TTC27: variants seen among roughly 807,000 people sequenced by gnomAD.
The protein encoded by TTC27 is tetratricopeptide repeat domain 27.
A neutral mutation model predicts 115.9 loss-of-function variants in TTC27; 79 were observed. That is an observed-to-expected ratio of 0.68 (90% CI 0.57 to 0.82). The LOEUF is 0.82. TTC27 is among the 40% of genes least tolerant of loss of function. The probability of loss-of-function intolerance (pLI) is 0.00; values close to 1 mark genes in which losing one functional copy is unlikely to be tolerated. For synonymous variants in TTC27, 401 were observed against 356.0 expected, an observed-to-expected ratio of 1.13 and a Z score of -1.42; for missense variants, 1,054 against 993.1, an observed-to-expected ratio of 1.06 and a Z score of -0.82.
chr2:32,679,084 T>A (rs1666329455), intron 9 of TTC27, among the ~76,000 whole-genome samples, 162 bp downstream of exon 9: 1 of 152,194 alleles, frequency 6.6e-6, no homozygotes, highest in African/African-American at 2.4e-5. Context: ...TGTATCTTGC[T>A]GCTGATTTAA....
At position 32,817,092 on chromosome 2, in the gene TTC27, A is replaced by G. The variant is rs1026170480; in HGVS notation, c.2309-365A>G. 4.1e-4 allele frequency among the ~76,000 whole-genome samples: 63 copies of G among 152,104 alleles called. 1 individual carries two copies. Among genetic ancestry groups the G allele is most frequent in the African/African-American group, 1.5e-3 (61 of 41,410 alleles). Reference sequence around the variant, plus strand: ...AAATTCCCTGGAGCAGTAAATTACCATTCTTAAAGAAGGATAGAGAAAGGC... The same window carrying G: ...AAATTCCCTGGAGCAGTAAATTACCGTTCTTAAAGAAGGATAGAGAAAGGC... On this transcript the variant is annotated intron_variant, in intron 18 of 19. Coordinates refer to ENST00000317907, the MANE Select transcript of TTC27 (RefSeq NM_017735.5).
Position 32,795,338 on chromosome 2 carries a change from G to GA in TTC27, c.1998+8198dup, listed in dbSNP as rs367887253. On this transcript the variant is annotated intron_variant, in intron 16 of 19. Transcript: ENST00000317907. ...ATATACTACATTAACAGAATGAGGG[G>GA]AAAAAAAAATCTCACCTGATTATCT... Among the ~76,000 whole-genome samples the GA allele has an allele frequency of 9.6e-3, 1,449 of 150,296 alleles. 13 individuals are homozygous for GA. Among genetic ancestry groups the GA allele is most frequent in the Middle Eastern group, 0.024 (7 of 292 alleles).
chr2:32,682,844 G>GGTTTTT (rs1553550061), intron 9 of TTC27, among the ~76,000 whole-genome samples: 2 of 56,982 alleles, frequency 3.5e-5, no homozygotes, highest in African/African-American at 7.5e-5. Context: ...AATTTTTATT[G>GGTTTTT]TTGTTTTTTT....
At chr2:32,707,650 A>G (rs897872662) in intron 10 of TTC27, among the ~76,000 whole-genome samples, 2 of 152,198 alleles carry the variant, frequency 1.3e-5, no homozygotes, top group South Asian at 4.1e-4. Flanking sequence ...AATTTCTAGA[A>G]CTAAAAATAT....
chr2:32,796,069 C>T (rs1309327790), intron 16 of TTC27, among the ~76,000 whole-genome samples: 1 of 151,796 alleles, frequency 6.6e-6, no homozygotes, highest in African/African-American at 2.4e-5. Context: ...CTAAAGAGTC[C>T]ACGAAAAAGC....
At chr2:32,677,303 A>T (rs1666246828) in intron 8 of TTC27, among the ~76,000 whole-genome samples, 2 of 151,440 alleles carry the variant, frequency 1.3e-5, no homozygotes, top group Admixed American at 1.3e-4. Context: ...TTGTTTCCAG[A>T]TTTTTCCTAT....
intron 12 of TTC27, among the ~76,000 whole-genome samples, chr2:32,745,395 A>T (rs763726004): frequency 1.4e-4 from 21 of 152,160 alleles, no homozygotes; most frequent in Non-Finnish European, 2.9e-4. Flanking sequence ...ATCTCTAAAG[A>T]ACGATTCAGT....
At chr2:32,693,844 C>T (rs1666893633) in intron 9 of TTC27, among the ~76,000 whole-genome samples, 3 of 152,188 alleles carry the variant, frequency 2.0e-5, no homozygotes, top group Admixed American at 6.5e-5. Flanking sequence ...ATAGTTAGCA[C>T]TTCTTTTTAT....
chr2:32,765,305 C>T (rs1427731647), intron 13 of TTC27, among the ~76,000 whole-genome samples: 1 of 151,478 alleles, frequency 6.6e-6, no homozygotes, highest in Non-Finnish European at 1.5e-5. Flanking sequence ...TTCATCAGAG[C>T]TCTTGTGTGA....
At chr2:32,651,002 A>G (rs1239039972) in intron 5 of TTC27, among the ~76,000 whole-genome samples, 2 of 151,648 alleles carry the variant, frequency 1.3e-5, no homozygotes, top group East Asian at 3.9e-4. Flanking sequence ...TTTTTTTGGC[A>G]AAAGTTGCCA....
intron 3 of TTC27, among the ~76,000 whole-genome samples, chr2:32,638,353 G>C (rs1480586268): frequency 6.6e-6 from 1 of 152,010 alleles, no homozygotes; most frequent in Non-Finnish European, 1.5e-5. Context: ...TGAACTCACA[G>C]TTATTTCCTT....
Position 32,632,409 on chromosome 2 carries a change from T to C in TTC27, c.267-1467T>C, listed in dbSNP as rs1045547919. Reference sequence around the variant, plus strand: ...CACACAAATGCATTATTCACTGATATACCAGATTTCTATCTTGTCACATAA... The same window carrying C: ...CACACAAATGCATTATTCACTGATACACCAGATTTCTATCTTGTCACATAA... On this transcript the variant is annotated intron_variant, in intron 2 of 19. Transcript: ENST00000317907. Among the ~76,000 whole-genome samples the C allele has an allele frequency of 2.0e-5, 3 of 152,182 alleles. No homozygotes were observed. The East Asian group carries it at 5.8e-4, about 29-fold the overall frequency.
At chr2:32,673,479 G>A (rs918707319) in intron 8 of TTC27, among the ~76,000 whole-genome samples, 5 of 151,834 alleles carry the variant, frequency 3.3e-5, no homozygotes, top group Admixed American at 1.3e-4. Context: ...CGCCCGCCTC[G>A]GCCTCCCAGA....
At chr2:32,764,148 C>A (rs2148000234) in intron 13 of TTC27, among the ~76,000 whole-genome samples, 1 of 152,186 alleles carries the variant, frequency 6.6e-6, no homozygotes, top group African/African-American at 2.4e-5. Context: ...TCTCTTCTAC[C>A]TTTTTAAAAA....
At chr2:32,783,879 A>C (rs374403579) in intron 15 of TTC27, among the ~76,000 whole-genome samples, 3 of 152,248 alleles carry the variant, frequency 2.0e-5, no homozygotes, top group South Asian at 2.1e-4. Context: ...CCTTACTTTC[A>C]AACTTAATTT....
rs374844861 is a variant in TTC27 at position 32,735,261 on chromosome 2, A to G, written c.1329+1338A>G. 2.6e-5 allele frequency among the ~76,000 whole-genome samples: 4 copies of G among 152,234 alleles called. No homozygotes were observed. The East Asian group carries it at 5.8e-4, about 22-fold the overall frequency. On this transcript the variant is annotated intron_variant, in intron 11 of 19. Transcript: ENST00000317907. Reference sequence around the variant, plus strand: ...AAAGCTTTATGATATCTCAAAAGGAATAGCTTCTTCATCAAGAATGTGTTA... The same window carrying G: ...AAAGCTTTATGATATCTCAAAAGGAGTAGCTTCTTCATCAAGAATGTGTTA...
chr2:32,802,563 T>C (rs967029512), intron 16 of TTC27, among the ~76,000 whole-genome samples: 3 of 152,206 alleles, frequency 2.0e-5, no homozygotes, highest in Non-Finnish European at 1.5e-5. Context: ...CTTAGAGTGC[T>C]GTTGTCAAGT....
At chr2:32,728,994 TATAC>T (rs1341233980) in intron 10 of TTC27, among the ~76,000 whole-genome samples, 1 of 58,216 alleles carries the variant, frequency 1.7e-5, no homozygotes, top group Non-Finnish European at 4.1e-5. Context: ...TCCATCTTCC[TATAC>T]ACACACACAC....
At chr2:32,723,112 G>A (rs1045855766) in intron 10 of TTC27, among the ~76,000 whole-genome samples, 1 of 152,128 alleles carries the variant, frequency 6.6e-6, no homozygotes, top group Admixed American at 6.5e-5. Context: ...ATGTATTAAT[G>A]GGATGAAGTA....
Sources: gnomAD v4.1 joint callset for allele counts (sites outside exome capture counted in the v4.1 genomes callset) on GRCh38, gnomAD v4.1.1 for gene constraint, MANE v1.5 for transcripts, NCBI Gene and HGNC (gene_info 2026-07-23, HGNC 2026-07-21) for gene names.